TRIM50: variants seen among roughly 807,000 people sequenced by gnomAD.
TRIM50 encodes the protein E3 ubiquitin-protein ligase TRIM50.
TRIM50 carries 34 observed loss-of-function variants against 44.9 expected under a neutral mutation model. That is an observed-to-expected ratio of 0.76 (90% CI 0.58 to 1.01). TRIM50 has a LOEUF of 1.01. Ranked by LOEUF, TRIM50 falls within the 50% of genes least tolerant of loss-of-function variation. The probability of loss-of-function intolerance (pLI) is 0.00; values close to 1 mark genes in which losing one functional copy is unlikely to be tolerated. For missense variants in TRIM50, 633 were observed against 663.7 expected (o/e 0.95, Z 0.51); for synonymous variants, 307 against 291.1 (o/e 1.05, Z -0.56).
intron 5 of TRIM50, among the ~76,000 whole-genome samples, chr7:73,317,871 G>A (rs1354200264): frequency 1.3e-5 from 2 of 152,216 alleles, no homozygotes; most frequent in Non-Finnish European, 2.9e-5. Context: ...GCGCAAGGGT[G>A]AGGAGGGTAA....
At chr7:73,318,182 G>A (rs1231488869) in intron 5 of TRIM50, among the ~76,000 whole-genome samples, 1 of 152,210 alleles carries the variant, frequency 6.6e-6, no homozygotes, top group Admixed American at 6.5e-5. Flanking sequence ...GCTGGATCAT[G>A]CAGTAGCATG....
chr7:73,318,610 A>T, intron 5 of TRIM50, 77 bp downstream of exon 5: 1 of 1,611,726 alleles, frequency 6.2e-7, no homozygotes, highest in South Asian at 1.1e-5. Context: ...GTTAAACCGA[A>T]TGGAGGAACC....
At chr7:73,314,094 C>CAA in intron 6 of TRIM50, 1 of 282,330 alleles carries the variant, frequency 3.5e-6, no homozygotes, top group Non-Finnish European at 6.9e-6. Flanking sequence ...CCCACCCCTT[C>CAA]CCGCCACCCA....
chr7:73,316,645 G>T lies in TRIM50; in HGVS notation c.794C>A (p.Pro265His). 6.2e-7 allele frequency: 1 copy of T among 1,614,210 alleles called. No individual in the cohort carries two copies. The highest frequency in any genetic ancestry group is 1.1e-5 in the South Asian group (1 of 91,088). Residue 265 changes from proline (P) to histidine (H), a missense_variant, in exon 6 of 7, where the codon CCC becomes CAC. By Grantham distance (77) the Pro-to-His change is moderately conservative. Coordinates refer to ENST00000333149, the MANE Select transcript of TRIM50 (RefSeq NM_178125.3). ...QARPLEGAFS[P>H]ISFKPGLHQA... The stretch of plus-strand genomic sequence containing the variant: ...GTGGAGGCCTGGCTTGAAGGAGATG[G>T]GGCTGAATGCGCCTTCTAAGGGCCG...
In TRIM50 at chr7:73,318,840, G is replaced by A. The variant is rs1804421055; in HGVS notation, c.708C>T (p.Asp236=). ...CACTCACCCGGATGAACTTGTGGTG[G>A]TCCTCATTGCCGAACTGTTCCAGCA... ...ECVLEQFGNE[D]HHKFIRKFHS... Residue 236 remains aspartate, a synonymous_variant, in exon 4 of 7, where the codon GAC becomes GAT. Coordinates refer to ENST00000333149, the MANE Select transcript of TRIM50 (RefSeq NM_178125.3). 6.2e-7 allele frequency: 1 copy of A among 1,613,984 alleles called. No individual in the cohort carries two copies.
chr7:73,315,578 C>G (rs1266913096), intron 6 of TRIM50, among the ~76,000 whole-genome samples: 1 of 152,124 alleles, frequency 6.6e-6, no homozygotes, highest in African/African-American at 2.4e-5. Context: ...TGGTTTTGAA[C>G]TCCTGGCCTC....
At chr7:73,317,398 C>A (rs1347952077) in intron 5 of TRIM50, among the ~76,000 whole-genome samples, 1 of 146,940 alleles carries the variant, frequency 6.8e-6, no homozygotes, top group Non-Finnish European at 1.5e-5. Flanking sequence ...TGCTCTGTCG[C>A]CCAGGCTGGA....
rs202235505 is a variant in TRIM50, at chr7:73,313,301, G to A, written c.1084C>T (p.Arg362Cys). Reference protein sequence around the residue: ...EVVVGSKSDWRLGVIKGTASR... With the variant: ...EVVVGSKSDWCLGVIKGTASR... ...GCTGTGCCCTTGATGACCCCCAGGC[G>A]CCAGTCGCTCTTGCTGCCCACCACC... is the stretch of plus-strand genomic sequence containing the variant. The change falls in exon 7 of 7, where the codon CGC becomes TGC. Residue 362 changes from arginine (R) to cysteine (C), a missense_variant. Physicochemically the swap from Arg to Cys is radical, Grantham distance 180 (BLOSUM62 -3). Transcript: ENST00000333149. This position sits in a 1 kb window ranked among gnomAD's most constrained non-coding sequence, Gnocchi z 4.9. 18 of 1,605,198 alleles carry A rather than the reference G, an allele frequency of 1.1e-5. No individual in the cohort carries two copies. The highest frequency in any genetic ancestry group is 3.4e-5 in the Admixed American group (2 of 58,782).
chr7:73,316,714 A>G (rs1554544156), intron 5 of TRIM50, 25 bp from the exon 6 acceptor site: 5 of 1,610,400 alleles, frequency 3.1e-6, no homozygotes, highest in Non-Finnish European at 4.2e-6. Context: ...TCACAGTACA[A>G]GAGAGTGAGG....
At chr7:73,315,110 A>G in intron 6 of TRIM50, 1 of 291,168 alleles carries the variant, frequency 3.4e-6, no homozygotes, top group Admixed American at 3.7e-5. Flanking sequence ...AAATGTGATG[A>G]GATCCGCCAT....
chr7:73,322,119 G>C (rs1205547005), intron 2 of TRIM50: 1 of 152,244 alleles, frequency 6.6e-6, no homozygotes, highest in South Asian at 2.1e-4. Flanking sequence ...GGAGGCTGAC[G>C]CGGGTGGATC....
intron 2 of TRIM50, among the ~76,000 whole-genome samples, chr7:73,322,281 G>A (rs527893628): frequency 4.6e-5 from 7 of 152,122 alleles, no homozygotes; most frequent in East Asian, 1.9e-4. Context: ...CCCGGGAGGC[G>A]GAGCTTGCAG....
chr7:73,318,880 G>C lies in TRIM50; in HGVS notation c.668C>G (p.Ala223Gly). 6.2e-7 allele frequency: 1 copy of C among 1,614,006 alleles called. No individual in the cohort carries two copies. The highest frequency in any genetic ancestry group is 8.5e-7 in the Non-Finnish European group (1 of 1,179,876). ...CTGTTCCAGCACACACTCGGCTTGG[G>C]CCAGCCGCTCCCGGGTTCCCTGGGC... ...EQAQGTRERL[A>G]QAECVLEQFG... The change falls in exon 4 of 7, where the codon GCC becomes GGC. Residue 223 changes from alanine to glycine, a missense_variant. Physicochemically the swap from Ala to Gly is moderately conservative, Grantham distance 60. Coordinates refer to ENST00000333149, the MANE Select transcript of TRIM50 (RefSeq NM_178125.3).
intron 3 of TRIM50, 38 bp from the exon 4 acceptor site, chr7:73,319,090 C>A: frequency 6.2e-7 from 1 of 1,613,830 alleles, no homozygotes; most frequent in Non-Finnish European, 8.5e-7. Flanking sequence ...GAGTCACAGC[C>A]GAGCTGCCAG....
At position 73,313,505 on chromosome 7, in the gene TRIM50, C is replaced by A; in HGVS notation, c.880G>T (p.Glu294Ter). ...RLFRKVLPAP[E>*]PLKLDPATAH... is the part of the protein sequence containing the mutation. Reference sequence around the variant, plus strand: ...GTGGCAGGGTCCAACTTGAGAGGCTCCGGGGCTGGGAGGGAGATCACAGAG... The same window carrying A: ...GTGGCAGGGTCCAACTTGAGAGGCTACGGGGCTGGGAGGGAGATCACAGAG... The change falls in exon 7 of 7, where the codon GAG becomes TAG. Residue 294 changes from glutamate to a stop codon, truncating the protein, a stop_gained. Transcript: ENST00000333149. LOFTEE classifies it high-confidence loss of function. The surrounding 1 kb of genome is among the most constrained non-coding windows in gnomAD (Gnocchi z 4.9). 2 of 1,503,810 alleles carry A rather than the reference C, an allele frequency of 1.3e-6. No homozygotes were observed. The highest frequency in any genetic ancestry group is 1.8e-6 in the Non-Finnish European group (2 of 1,127,388). 93.2% of individuals were successfully genotyped at this position (1,503,810 alleles called of 1,614,324 possible).
intron 6 of TRIM50, chr7:73,314,720 C>A (rs1464382507): frequency 9.2e-6 from 2 of 218,080 alleles, no homozygotes; most frequent in Non-Finnish European, 1.8e-5. Context: ...CGTGGTGGCA[C>A]ACGCCTATAG....
intron 2 of TRIM50, among the ~76,000 whole-genome samples, chr7:73,324,071 G>A (rs1316468980): frequency 6.6e-6 from 1 of 151,796 alleles, no homozygotes; most frequent in East Asian, 1.9e-4. Flanking sequence ...AAGGAGAGAG[G>A]GAGAGGGAGA....
rs111638818 is a variant in TRIM50, at chr7:73,324,531, G to A, written c.257C>T (p.Pro86Leu). ...GTTCCGGTGGTGCACGCAGACCTTG[G>A]GCTCCGGGTCCCCAGGGAGCCTCAG... is the stretch of plus-strand genomic sequence containing the variant. ...EALRLPGDPE[P>L]KVCVHHRNPL... Residue 86 changes from proline (P) to leucine (L), a missense_variant, in exon 2 of 7, where the codon CCC becomes CTC. Physicochemically the swap from Pro to Leu is moderately conservative, Grantham distance 98. Transcript: ENST00000333149. 4 of 1,613,914 alleles carry A rather than the reference G, an allele frequency of 2.5e-6. No individual in the cohort carries two copies. The highest frequency in any genetic ancestry group is 1.7e-6 in the Non-Finnish European group (2 of 1,179,994).
rs559759790 is a variant in TRIM50 at position 73,318,773 on chromosome 7, G to T, written c.726+49C>A. 2.5e-6 allele frequency: 4 copies of T among 1,614,006 alleles called. 1 individual carries two copies. In the East Asian group the frequency reaches 8.9e-5, roughly 36 times the overall value. On this transcript the variant is annotated intron_variant, in intron 4 of 6. Coordinates refer to ENST00000333149, the MANE Select transcript of TRIM50 (RefSeq NM_178125.3). ...GGGAAGCTAGGGCACTGTTGGGAAGGGGAAGGCCCTGGCGGGTATGGGGAT... is the reference window on the plus strand; with the variant it reads ...GGGAAGCTAGGGCACTGTTGGGAAGTGGAAGGCCCTGGCGGGTATGGGGAT...
Sources: allele counts gnomAD v4.1 joint callset (sites outside exome capture counted in the v4.1 genomes callset), GRCh38; gene constraint gnomAD v4.1.1; non-coding constraint Gnocchi (gnomAD v3.1); transcripts MANE v1.5; gene names NCBI Gene and HGNC (gene_info 2026-07-23, HGNC 2026-07-21).